PCSK2: variants seen among roughly 807,000 people sequenced by gnomAD.
PCSK2 encodes the protein proprotein convertase subtilisin/kexin type 2.
PCSK2 carries 14 observed loss-of-function variants against 69.7 expected under a neutral mutation model. That is an observed-to-expected ratio of 0.20 (90% CI 0.13 to 0.31). PCSK2 has a LOEUF of 0.31. Among genes scored for constraint, PCSK2 ranks in the 10% least tolerant of loss-of-function variants. The pLI, the probability that PCSK2 is intolerant of heterozygous loss-of-function variation, is 1.00. For synonymous variants in PCSK2, 307 were observed against 320.7 expected (o/e 0.96, Z 0.46); for missense variants, 544 against 842.5 (o/e 0.65, Z 4.39).
In PCSK2 at chr20:17,353,343, T is replaced by TA. The variant is rs558586973; in HGVS notation, c.283-4983dup. On this transcript the variant is annotated intron_variant, in intron 2 of 11. Coordinates refer to ENST00000262545, the MANE Select transcript of PCSK2 (RefSeq NM_002594.5). ...AGCTGGGCGTGGTGGCACACGCCTATAGTCCCAGCTACTCGGGTGGCTGAG... is the reference window on the plus strand; with the variant it reads ...AGCTGGGCGTGGTGGCACACGCCTATAAGTCCCAGCTACTCGGGTGGCTGAG... Among the ~76,000 whole-genome samples the TA allele has an allele frequency of 7.2e-5, 11 of 151,948 alleles. No homozygotes were observed. The South Asian group carries it at 2.3e-3, about 32-fold the overall frequency.
At chr20:17,407,420 G>A (rs1185837795) in intron 5 of PCSK2, among the ~76,000 whole-genome samples, 1 of 151,878 alleles carries the variant, frequency 6.6e-6, no homozygotes, top group Non-Finnish European at 1.5e-5. Context: ...TTCAATCTCA[G>A]CTTTGAAGCC....
At chr20:17,471,554 G>A (rs1395141571) in intron 11 of PCSK2, among the ~76,000 whole-genome samples, 2 of 152,198 alleles carry the variant, frequency 1.3e-5, no homozygotes, top group African/African-American at 2.4e-5. Flanking sequence ...GCAGCAGCCG[G>A]ACACAAGGGA....
In PCSK2 at chr20:17,482,177, T is replaced by G; in HGVS notation, c.*107T>G. ...CAATTCCATCACCCGTACAGGCAAT[T>G]CCGTCTTCTTAATCTGAAGCTTCAC... On this transcript the variant is annotated 3_prime_UTR_variant, in exon 12 of 12. Coordinates refer to ENST00000262545, the MANE Select transcript of PCSK2 (RefSeq NM_002594.5). 1 of 999,888 alleles carries G rather than the reference T, an allele frequency of 1.0e-6. No individual in the cohort carries two copies. Among genetic ancestry groups the G allele is most frequent in the Non-Finnish European group, 1.4e-6 (1 of 702,366 alleles). 61.9% of individuals were successfully genotyped at this position (999,888 alleles called of 1,614,324 possible).
At chr20:17,246,163 G>C (rs1986764460) in intron 1 of PCSK2, among the ~76,000 whole-genome samples, 1 of 152,198 alleles carries the variant, frequency 6.6e-6, no homozygotes, top group African/African-American at 2.4e-5. Flanking sequence ...TGTTCTGAGA[G>C]ATAATTCTTT....
At chr20:17,341,639 T>C (rs1207504234) in intron 2 of PCSK2, among the ~76,000 whole-genome samples, 1 of 152,234 alleles carries the variant, frequency 6.6e-6, no homozygotes, top group East Asian at 1.9e-4. Flanking sequence ...TAGCAGCAGA[T>C]GGACTATGAG....
At chr20:17,384,594 C>T (rs61277102) in intron 5 of PCSK2, among the ~76,000 whole-genome samples, 8,087 of 152,036 alleles carry the variant, frequency 0.053, 295 homozygotes, top group African/African-American at 0.1. Flanking sequence ...AAGAGTGAAA[C>T]TCTGTCTCAA....
intron 2 of PCSK2, among the ~76,000 whole-genome samples, chr20:17,317,808 A>C (rs1481957333): frequency 6.6e-6 from 1 of 152,238 alleles, no homozygotes; most frequent in Non-Finnish European, 1.5e-5. Flanking sequence ...CACATAAACA[A>C]CACATGAAAG....
chr20:17,427,700 G>A (rs1235830678), intron 6 of PCSK2, among the ~76,000 whole-genome samples: 1 of 152,198 alleles, frequency 6.6e-6, no homozygotes, highest in African/African-American at 2.4e-5. Flanking sequence ...GGCTTGTCTT[G>A]GCTGAGCTCA....
intron 5 of PCSK2, among the ~76,000 whole-genome samples, chr20:17,370,814 G>A (rs1280840355): frequency 2.0e-5 from 3 of 152,170 alleles, no homozygotes; most frequent in Non-Finnish European, 4.4e-5. Flanking sequence ...ATAACTGCAG[G>A]GCCCTGGAGA....
At chr20:17,303,741 TA>T (rs1989236330) in intron 2 of PCSK2, among the ~76,000 whole-genome samples, 1 of 146,812 alleles carries the variant, frequency 6.8e-6, no homozygotes, top group Admixed American at 6.9e-5. Flanking sequence ...CCCACCCATC[TA>T]ATTTTTGTAT....
chr20:17,296,185 G>A (rs1313236687), intron 2 of PCSK2, among the ~76,000 whole-genome samples: 3 of 152,140 alleles, frequency 2.0e-5, no homozygotes, highest in African/African-American at 7.2e-5. Context: ...AGGCTCCCTT[G>A]GGCCACAGAC....
chr20:17,315,831 T>A (rs1353517413), intron 2 of PCSK2, among the ~76,000 whole-genome samples: 3 of 152,176 alleles, frequency 2.0e-5, no homozygotes, highest in African/African-American at 7.2e-5. Context: ...TCCCGGTGCT[T>A]CACCCCCGGC....
chr20:17,408,534 A>T (rs2031802120), intron 5 of PCSK2, among the ~76,000 whole-genome samples: 1 of 152,248 alleles, frequency 6.6e-6, no homozygotes, highest in East Asian at 1.9e-4. Context: ...GCTGTAGGGC[A>T]TAAGAGTTCA....
At chr20:17,363,106 G>A (rs2030457458) in intron 4 of PCSK2, among the ~76,000 whole-genome samples, 1 of 152,198 alleles carries the variant, frequency 6.6e-6, no homozygotes, top group Non-Finnish European at 1.5e-5. Context: ...GATACCTAAG[G>A]GCAAAACTAA....
chr20:17,456,646 C>T (rs142091664), intron 10 of PCSK2, among the ~76,000 whole-genome samples, 198 bp downstream of exon 10: 80 of 152,332 alleles, frequency 5.3e-4, no homozygotes, highest in African/African-American at 1.8e-3. Flanking sequence ...CACACACACA[C>T]GCACACACCA....
At chr20:17,315,263 G>A (rs187744624) in intron 2 of PCSK2, among the ~76,000 whole-genome samples, 1 of 152,106 alleles carries the variant, frequency 6.6e-6, no homozygotes, top group Admixed American at 6.5e-5. Flanking sequence ...GAGTGTGTTG[G>A]TTGGGGATGT....
At chr20:17,278,804 CA>C (rs1988194354) in intron 2 of PCSK2, among the ~76,000 whole-genome samples, 1 of 151,856 alleles carries the variant, frequency 6.6e-6, no homozygotes, top group African/African-American at 2.4e-5. Flanking sequence ...TGCTTGAGCC[CA>C]GGAGTTCAAG....
intron 1 of PCSK2, among the ~76,000 whole-genome samples, chr20:17,229,700 T>C (rs546932357): frequency 1.4e-4 from 22 of 152,104 alleles, no homozygotes; most frequent in Admixed American, 5.9e-4. Flanking sequence ...TGATTTTTTT[T>C]CCCCTTTTAC....
chr20:17,451,700 G>A (rs909882346), intron 8 of PCSK2, among the ~76,000 whole-genome samples: 2 of 152,144 alleles, frequency 1.3e-5, no homozygotes, highest in African/African-American at 4.8e-5. Flanking sequence ...ATAGTGCACA[G>A]GGCATAAATA....
Sources: gnomAD v4.1 joint callset for allele counts (sites outside exome capture counted in the v4.1 genomes callset) on GRCh38, gnomAD v4.1.1 for gene constraint, MANE v1.5 for transcripts, NCBI Gene and HGNC (gene_info 2026-07-23, HGNC 2026-07-21) for gene names.